Variants in UBE2D2 observed in about 807,000 individuals in gnomAD.
UBE2D2 encodes ubiquitin-conjugating enzyme E2 D2.
Under a neutral mutation model 24.2 loss-of-function variants are expected in UBE2D2, and 2 were observed. The observed-to-expected ratio is 0.08, with a 90% confidence interval of 0.03 to 0.26. The LOEUF is 0.26. UBE2D2 is among the 10% of genes least tolerant of loss of function. The pLI, the probability that UBE2D2 is intolerant of heterozygous loss-of-function variation, is 1.00. For missense variants in UBE2D2, 44 were observed against 177.6 expected, an observed-to-expected ratio of 0.25 and a Z score of 4.28; for synonymous variants, 58 against 56.5, an observed-to-expected ratio of 1.03 and a Z score of -0.12.
At chr5:139,547,537 G>C (rs1435309629) in intron 1 of UBE2D2, among the ~76,000 whole-genome samples, 1 of 150,892 alleles carries the variant, frequency 6.6e-6, no homozygotes, top group Non-Finnish European at 1.5e-5. Context: ...TTGAGATGGA[G>C]TCTTGCCTGT....
intron 2 of UBE2D2, among the ~76,000 whole-genome samples, chr5:139,605,336 T>C (rs1001970805): frequency 1.3e-5 from 2 of 152,066 alleles, no homozygotes; most frequent in African/African-American, 4.8e-5. Context: ...CTCACGCCTG[T>C]AATCCCAACA....
In UBE2D2 at chr5:139,620,144, C is replaced by T. The variant is rs543458182; in HGVS notation, c.305-3224C>T. ...ACACCCCCATAATCCAGTCGCCTCC[C>T]ACCAGGCCCCACCTCCAACGTTGGG... On this transcript the variant is annotated intron_variant, in intron 5 of 6. Transcript: ENST00000398733. Among the ~76,000 whole-genome samples the T allele has an allele frequency of 3.3e-4, 51 of 152,302 alleles. No individual in the cohort carries two copies. In the East Asian group the frequency reaches 6.2e-3, roughly 18 times the overall value.
At chr5:139,596,920 A>AC (rs1753975376) in intron 1 of UBE2D2, among the ~76,000 whole-genome samples, 1 of 151,764 alleles carries the variant, frequency 6.6e-6, no homozygotes, top group South Asian at 2.1e-4. Context: ...GGTGGTGGGC[A>AC]CCTGTAGTCC....
Position 139,627,000 on chromosome 5 carries a change from A to G in UBE2D2, c.*199A>G, listed in dbSNP as rs1754643712. 5.7e-6 allele frequency: 3 copies of G among 528,900 alleles called. No homozygotes were observed. Among genetic ancestry groups the G allele is most frequent in the Non-Finnish European group, 1.0e-5 (3 of 296,700 alleles). 32.8% of individuals were successfully genotyped at this position (528,900 alleles called of 1,614,324 possible). A position where few individuals can be genotyped will look rare whatever the true frequency, so the allele number is the denominator to read the frequency against. On this transcript the variant is annotated 3_prime_UTR_variant, in exon 7 of 7. Coordinates refer to ENST00000398733, the MANE Select transcript of UBE2D2 (RefSeq NM_003339.3). ...AGAAATACTGTACTTCTGTACCAACATTGCCTCCTAGCAGAGAAGTGTGTG... is the reference window on the plus strand; with the variant it reads ...AGAAATACTGTACTTCTGTACCAACGTTGCCTCCTAGCAGAGAAGTGTGTG...
chr5:139,617,430 G>A (rs944893893), intron 5 of UBE2D2, among the ~76,000 whole-genome samples: 1 of 141,462 alleles, frequency 7.1e-6, no homozygotes, highest in Non-Finnish European at 1.5e-5. Flanking sequence ...AGGCTGGAGT[G>A]CAATGGTGTG....
chr5:139,555,225 T>C (rs1461063083), intron 1 of UBE2D2, among the ~76,000 whole-genome samples: 1 of 152,044 alleles, frequency 6.6e-6, no homozygotes, highest in Non-Finnish European at 1.5e-5. Context: ...TTTGTATTTT[T>C]TGTAGAGGCT....
chr5:139,584,586 G>T (rs529889561), intron 1 of UBE2D2, among the ~76,000 whole-genome samples: 154 of 145,332 alleles, frequency 1.1e-3, no homozygotes, highest in African/African-American at 3.6e-3. Flanking sequence ...AGTCTGGAGT[G>T]CAGTGGCGCG....
chr5:139,538,018 G>GT (rs895670200), intron 1 of UBE2D2, among the ~76,000 whole-genome samples: 1 of 151,826 alleles, frequency 6.6e-6, no homozygotes, highest in African/African-American at 2.4e-5. Context: ...GCATGATACA[G>GT]TTTTTTTGTT....
chr5:139,529,849 A>G (rs1452524967), intron 1 of UBE2D2, among the ~76,000 whole-genome samples: 3 of 152,170 alleles, frequency 2.0e-5, no homozygotes, highest in Non-Finnish European at 4.4e-5. Context: ...TGTTTTTTCC[A>G]TTAGCCGAAC....
At chr5:139,542,161 TGGG>T (rs1429156645) in intron 1 of UBE2D2, among the ~76,000 whole-genome samples, 1 of 152,118 alleles carries the variant, frequency 6.6e-6, no homozygotes, top group Non-Finnish European at 1.5e-5. Context: ...CATTCCACCC[TGGG>T]CGACAGAGCG....
chr5:139,534,523 G>A (rs999587717), intron 1 of UBE2D2, among the ~76,000 whole-genome samples: 2 of 149,786 alleles, frequency 1.3e-5, no homozygotes, highest in African/African-American at 2.5e-5. Context: ...CCGAGATCGC[G>A]CCACTGCACT....
chr5:139,562,209 C>A, intron 1 of UBE2D2: 1 of 1,382,624 alleles, frequency 7.2e-7, no homozygotes, highest in Non-Finnish European at 9.6e-7. Flanking sequence ...GGCTTCTCGC[C>A]CCATTTCTGT....
intron 1 of UBE2D2, among the ~76,000 whole-genome samples, chr5:139,574,000 GTC>G (rs995307086): frequency 4.0e-5 from 6 of 151,480 alleles, no homozygotes; most frequent in Admixed American, 1.3e-4. Flanking sequence ...AATAAAAAAT[GTC>G]TCTCTCCTAG....
At chr5:139,595,122 T>C (rs566743375) in intron 1 of UBE2D2, among the ~76,000 whole-genome samples, 2 of 152,340 alleles carry the variant, frequency 1.3e-5, no homozygotes, top group Admixed American at 1.3e-4. Context: ...CTGGCTGTAC[T>C]TTATTTCCCT....
chr5:139,552,509 CTTTTTTTT>C (rs35945797), intron 1 of UBE2D2, among the ~76,000 whole-genome samples: 2 of 124,218 alleles, frequency 1.6e-5, no homozygotes, highest in Admixed American at 8.2e-5. Flanking sequence ...TTTCTTTTTT[CTTTTTTTT>C]TTTTTTTTGA....
intron 1 of UBE2D2, among the ~76,000 whole-genome samples, chr5:139,598,335 A>AGT (rs1754000819): frequency 6.6e-6 from 1 of 152,196 alleles, no homozygotes; most frequent in African/African-American, 2.4e-5. Flanking sequence ...GTTTTAAAGT[A>AGT]TAATCAAAAC....
At chr5:139,594,761 T>G (rs1753924315) in intron 1 of UBE2D2, among the ~76,000 whole-genome samples, 1 of 152,122 alleles carries the variant, frequency 6.6e-6, no homozygotes, top group South Asian at 2.1e-4. Flanking sequence ...CTGTCAAAGT[T>G]CCTTACCCCA....
Position 139,563,777 on chromosome 5 carries a change from CA to C in UBE2D2, c.24+1970del, listed in dbSNP as rs925772644. 2.0e-5 allele frequency among the ~76,000 whole-genome samples: 3 copies of C among 151,812 alleles called. No homozygotes were observed. The East Asian group carries it at 5.8e-4, about 29-fold the overall frequency. On this transcript the variant is annotated intron_variant, in intron 1 of 6. Transcript: ENST00000398733. Reference sequence around the variant, plus strand: ...GAAACCCCGTCTCTGCTAAAATATACAAAAAAAACTAGCCGGGCTTGGTGGC... The same window carrying C: ...GAAACCCCGTCTCTGCTAAAATATACAAAAAAACTAGCCGGGCTTGGTGGC...
chr5:139,562,276 A>T (rs1487512321), intron 1 of UBE2D2: 2 of 1,356,954 alleles, frequency 1.5e-6, no homozygotes, highest in Non-Finnish European at 1.9e-6. Flanking sequence ...GCTCGGGCTG[A>T]CAGAGGAAGC....
Sources: allele counts gnomAD v4.1 joint callset (sites outside exome capture counted in the v4.1 genomes callset), GRCh38; gene constraint gnomAD v4.1.1; transcripts MANE v1.5; gene names NCBI Gene and HGNC (gene_info 2026-07-23, HGNC 2026-07-21).